Variants in ZNF721 observed in about 807,000 individuals in gnomAD.
ZNF721 encodes the protein zinc finger protein 721.
ZNF721 carries 2 observed loss-of-function variants against 2.4 expected under a neutral mutation model. That is an observed-to-expected ratio of 0.82 (90% CI 0.34 to 2.58). The LOEUF (loss-of-function observed/expected upper bound fraction) is 2.58, where lower values mean the gene tolerates loss of function less well. Ranked by LOEUF, ZNF721 falls within the 30% of genes most tolerant of loss-of-function variation. The probability of loss-of-function intolerance (pLI) is 0.11; values close to 1 mark genes in which losing one functional copy is unlikely to be tolerated. For missense variants in ZNF721, 1,187 were observed against 1,085.5 expected, an observed-to-expected ratio of 1.09 and a Z score of -1.31; for synonymous variants, 398 against 381.8, an observed-to-expected ratio of 1.04 and a Z score of -0.50.
Position 443,565 on chromosome 4 carries a change from C to A in ZNF721, c.902G>T (p.Gly301Val), listed in dbSNP as rs1553863684. The change falls in exon 3 of 3, where the codon GGA (glycine) becomes GTA (valine). Residue 301 changes from glycine to valine, a missense_variant. Coordinates refer to ENST00000511833, the MANE Select transcript of ZNF721 (RefSeq NM_133474.4). ...TLTKHRRIHT[G>V]EKPYTCEVCG... ...TACTTCACATGTGTAGGGTTTCTCT[C>A]CAGTATGAATTCTCCTATGTTTAGT... is the stretch of plus-strand genomic sequence containing the variant. 2 of 1,613,918 alleles carry A rather than the reference C, an allele frequency of 1.2e-6. No individual in the cohort carries two copies. Among genetic ancestry groups the A allele is most frequent in the Admixed American group, 1.7e-5 (1 of 59,994 alleles).
At position 473,832 on chromosome 4, in the gene ZNF721, C is replaced by T. The variant is rs369264135; in HGVS notation, c.-93-1131G>A. 19 of 921,602 alleles carry T rather than the reference C, an allele frequency of 2.1e-5. No homozygotes were observed. The East Asian group carries it at 5.7e-4, about 27-fold the overall frequency. 57.1% of individuals were successfully genotyped at this position (921,602 alleles called of 1,614,324 possible). ...AGCCTTGCGGGGACCCCGACAGGAG[C>T]GCGGGTCCCTCACCGGAGGGGACTG... On this transcript the variant is annotated intron_variant, in intron 1 of 2. Transcript: ENST00000511833.
At chr4:449,300 A>G (rs1714575491) in intron 2 of ZNF721, among the ~76,000 whole-genome samples, 1 of 152,146 alleles carries the variant, frequency 6.6e-6, no homozygotes, top group African/African-American at 2.4e-5. Context: ...TTTCTTCCAC[A>G]CACACAAAAG....
At chr4:482,089 T>C (rs1253717684) in intron 1 of ZNF721, among the ~76,000 whole-genome samples, 1 of 152,218 alleles carries the variant, frequency 6.6e-6, no homozygotes, top group Non-Finnish European at 1.5e-5. Flanking sequence ...CACATATGAC[T>C]GTGAGACATT....
chr4:495,727 C>G (rs1716135608), intron 1 of ZNF721, among the ~76,000 whole-genome samples: 1 of 151,950 alleles, frequency 6.6e-6, no homozygotes, highest in Non-Finnish European at 1.5e-5. Context: ...CTCAGCCCCC[C>G]AAGTAACTGG....
At chr4:452,788 T>G (rs1467666718) in intron 2 of ZNF721, among the ~76,000 whole-genome samples, 1 of 152,214 alleles carries the variant, frequency 6.6e-6, no homozygotes, top group Non-Finnish European at 1.5e-5. Flanking sequence ...AGAGGACCTC[T>G]GCTTCAACCA....
intron 1 of ZNF721, among the ~76,000 whole-genome samples, chr4:495,960 A>AC (rs1378138626): frequency 2.0e-5 from 3 of 152,148 alleles, no homozygotes; most frequent in Non-Finnish European, 4.4e-5. Flanking sequence ...AAATCTCATT[A>AC]CCATATTTCG....
intron 2 of ZNF721, among the ~76,000 whole-genome samples, chr4:465,271 C>T (rs1250419125): frequency 6.6e-6 from 1 of 152,010 alleles, no homozygotes; most frequent in Non-Finnish European, 1.5e-5. Flanking sequence ...CTTGTATTCC[C>T]AGCTACTTGG....
At chr4:461,369 T>C (rs890178342) in intron 2 of ZNF721, among the ~76,000 whole-genome samples, 2 of 152,168 alleles carry the variant, frequency 1.3e-5, no homozygotes, top group Admixed American at 1.3e-4. Flanking sequence ...ATTATCTCAA[T>C]AGATGCAGAA....
chr4:444,387 A>G lies in ZNF721; in HGVS notation c.80T>C (p.Ile27Thr), dbSNP rs1345562088. 6.2e-7 allele frequency: 1 copy of G among 1,610,586 alleles called. No individual in the cohort carries two copies. Among genetic ancestry groups the G allele is most frequent in the Non-Finnish European group, 8.5e-7 (1 of 1,178,308 alleles). Residue 27 changes from isoleucine to threonine, a missense_variant, in exon 3 of 3, where the codon ATA (isoleucine) becomes ACA (threonine). Ile to Thr is a moderately conservative substitution (Grantham distance 89). Coordinates refer to ENST00000511833, the MANE Select transcript of ZNF721 (RefSeq NM_133474.4). ...TATAAGTTTGTGGAATGAATCTTCTATCCCCTGCACTGGCAAAAAGTCTTG... is the reference window on the plus strand; with the variant it reads ...TATAAGTTTGTGGAATGAATCTTCTGTCCCCTGCACTGGCAAAAAGTCTTG... ...FTQDFLPVQG[I>T]EDSFHKLILR...
chr4:495,757 C>G (rs1223376723), intron 1 of ZNF721, among the ~76,000 whole-genome samples: 1 of 152,024 alleles, frequency 6.6e-6, no homozygotes, highest in African/African-American at 2.4e-5. Flanking sequence ...TGCCCGCCAC[C>G]ACGCCCAGCT....
intron 2 of ZNF721, among the ~76,000 whole-genome samples, chr4:465,060 G>A (rs1426035692): frequency 6.7e-5 from 10 of 150,334 alleles, no homozygotes; most frequent in African/African-American, 2.4e-4. Context: ...ACTCCCGCCT[G>A]GGTGATAGAG....
chr4:450,959 ATATAT>A (rs1560228766), intron 2 of ZNF721, among the ~76,000 whole-genome samples: 313 of 22,112 alleles, frequency 0.014, 4 homozygotes, highest in African/African-American at 0.033. Context: ...AAAAAAAAAT[ATATAT>A]ATATATATAT....
At position 451,452 on chromosome 4, in the gene ZNF721, G is replaced by GA. The variant is rs574168496; in HGVS notation, c.35-7021_35-7020insT. Among the ~76,000 whole-genome samples, 86 of 151,918 alleles carry GA rather than the reference G, an allele frequency of 5.7e-4. 1 individual carries two copies. The highest frequency in any genetic ancestry group is 1.1e-3 in the Non-Finnish European group (76 of 68,014). On this transcript the variant is annotated intron_variant, in intron 2 of 2. Coordinates refer to ENST00000511833, the MANE Select transcript of ZNF721 (RefSeq NM_133474.4). ...AACAACTCATTACAAAAATAGCTAG[G>GA]GTCTCATAGCATGACGAAGCTTCAT...
intron 1 of ZNF721, chr4:474,084 C>G (rs782472042): frequency 7.3e-7 from 1 of 1,374,342 alleles, no homozygotes; most frequent in East Asian, 3.6e-5. Context: ...ATCACCGAGG[C>G]CTCCCTGAGG....
intron 1 of ZNF721, among the ~76,000 whole-genome samples, chr4:493,406 C>T (rs2108725343): frequency 6.6e-6 from 1 of 152,228 alleles, no homozygotes; most frequent in East Asian, 1.9e-4. Flanking sequence ...AGGCCAGATG[C>T]AGTGGCTCAT....
chr4:485,513 A>G (rs1336666338), intron 1 of ZNF721, among the ~76,000 whole-genome samples: 2 of 152,042 alleles, frequency 1.3e-5, no homozygotes, highest in East Asian at 3.9e-4. Context: ...AGTAGAGAAC[A>G]AAGGCGGGAC....
intron 2 of ZNF721, among the ~76,000 whole-genome samples, chr4:459,054 C>A (rs1179035319): frequency 6.6e-6 from 1 of 152,064 alleles, no homozygotes; most frequent in African/African-American, 2.4e-5. Context: ...CCAGCCAAAC[C>A]AAGCTTCATA....
chr4:473,887 G>A (rs2108713642), intron 1 of ZNF721: 1 of 1,412,756 alleles, frequency 7.1e-7, no homozygotes, highest in African/African-American at 1.4e-5. Flanking sequence ...CGGCAGCGGG[G>A]ACTCCGTTCG....
At chr4:444,484 A>G (rs1038017821) in intron 2 of ZNF721, 52 bp from the exon 3 acceptor site, 12 of 1,474,292 alleles carry the variant, frequency 8.1e-6, no homozygotes, top group Non-Finnish European at 1.1e-5. Flanking sequence ...TCATATGCAT[A>G]TACTTTACAA....
Sources: gnomAD v4.1 joint callset for allele counts (sites outside exome capture counted in the v4.1 genomes callset) on GRCh38, gnomAD v4.1.1 for gene constraint, MANE v1.5 for transcripts, NCBI Gene and HGNC (gene_info 2026-07-23, HGNC 2026-07-21) for gene names.